BRAP: variants seen among roughly 807,000 people sequenced by gnomAD.
BRAP encodes the protein BRCA1-associated protein.
BRAP carries 42 observed loss-of-function variants against 73.4 expected under a neutral mutation model. The ratio of observed to expected loss-of-function variants is 0.57; its 90% confidence interval spans 0.45 to 0.74. The LOEUF (loss-of-function observed/expected upper bound fraction) is 0.74. BRAP is among the 30% of genes least tolerant of loss of function. The pLI, the probability that BRAP is intolerant of heterozygous loss-of-function variation, is 0.00. For missense variants in BRAP, 593 were observed against 751.4 expected, an observed-to-expected ratio of 0.79 and a Z score of 2.46; for synonymous variants, 255 against 267.4, an observed-to-expected ratio of 0.95 and a Z score of 0.45.
intron 2 of BRAP, 59 bp downstream of exon 2, chr12:111,683,087 T>G (rs1476755700): frequency 2.0e-5 from 31 of 1,552,152 alleles, no homozygotes; most frequent in Non-Finnish European, 5.2e-6. Context: ...ACACCGTGTA[T>G]AAAATAGGCA....
In BRAP at chr12:111,659,237, T is replaced by A; in HGVS notation, c.1081A>T (p.Thr361Ser). ...GCATAGTCCCAGACTCGATGGTTGG[T>A]AAGCTGCATGGCATACGTGTGCTGC... ...ETQHTYAMQL[T>S]NHRVWDYAGD... is the part of the protein sequence containing the mutation. The change falls in exon 8 of 12, where the codon ACC becomes TCC. Residue 361 changes from threonine to serine, a missense_variant. Transcript: ENST00000419234. 1 of 1,614,142 alleles carries A rather than the reference T, an allele frequency of 6.2e-7. No homozygotes were observed. Among genetic ancestry groups the A allele is most frequent in the Non-Finnish European group, 8.5e-7 (1 of 1,180,020 alleles).
intron 4 of BRAP, among the ~76,000 whole-genome samples, chr12:111,676,596 T>C (rs1279921664): frequency 6.6e-6 from 1 of 152,158 alleles, no homozygotes; most frequent in Non-Finnish European, 1.5e-5. Flanking sequence ...ATATTTTTAG[T>C]AGACATAAGC....
In BRAP at chr12:111,655,490, C is replaced by G. The variant is rs556609991; in HGVS notation, c.1311+76G>C. 15 of 1,204,056 alleles carry G rather than the reference C, an allele frequency of 1.2e-5. No homozygotes were observed. In the South Asian group the frequency reaches 1.7e-4, roughly 14 times the overall value. 74.6% of individuals were successfully genotyped at this position (1,204,056 alleles called of 1,614,324 possible). ...ATGGTAAGATTCCTCTTTCCCTGTA[C>G]TCTGCCTTCCACACCCCCCATCAGA... On this transcript the variant is annotated intron_variant, in intron 10 of 11. Transcript: ENST00000419234.
At chr12:111,668,302 G>A (rs1887035760) in intron 5 of BRAP, among the ~76,000 whole-genome samples, 1 of 152,004 alleles carries the variant, frequency 6.6e-6, no homozygotes, top group South Asian at 2.1e-4. Flanking sequence ...GTTACAGAAA[G>A]TGTATCTTCT....
intron 4 of BRAP, among the ~76,000 whole-genome samples, chr12:111,676,346 T>A (rs1428757169): frequency 6.6e-6 from 1 of 152,240 alleles, no homozygotes; most frequent in African/African-American, 2.4e-5. Flanking sequence ...ACCCTAACTC[T>A]GACACCTACT....
chr12:111,674,309 G>A (rs753503741), intron 4 of BRAP, among the ~76,000 whole-genome samples: 14 of 151,786 alleles, frequency 9.2e-5, no homozygotes, highest in Non-Finnish European at 1.8e-4. Context: ...ATGGCATGAC[G>A]TCAGCTCACT....
chr12:111,671,614 T>C (rs752950957), intron 5 of BRAP, among the ~76,000 whole-genome samples: 2 of 151,812 alleles, frequency 1.3e-5, no homozygotes, highest in Admixed American at 6.6e-5. Context: ...TCCCAGCACT[T>C]TGGAAGGCCA....
chr12:111,663,705 T>C (rs1485074501), intron 6 of BRAP, among the ~76,000 whole-genome samples: 6 of 152,166 alleles, frequency 3.9e-5, no homozygotes, highest in African/African-American at 1.4e-4. Context: ...GTGTAAACTC[T>C]CTTAGACCAA....
chr12:111,678,249 CAA>C (rs60763826), intron 4 of BRAP, among the ~76,000 whole-genome samples: 1,532 of 57,468 alleles, frequency 0.027, 25 homozygotes, highest in African/African-American at 0.085. Context: ...AACTCCGTCT[CAA>C]AAAAAAAAAA....
intron 5 of BRAP, among the ~76,000 whole-genome samples, chr12:111,671,231 T>A (rs1349628853): frequency 6.6e-6 from 1 of 152,062 alleles, no homozygotes; most frequent in Non-Finnish European, 1.5e-5. Flanking sequence ...GAGTGAAAGA[T>A]CAGAGCCATC....
chr12:111,671,393 T>G (rs1246648084), intron 5 of BRAP, among the ~76,000 whole-genome samples: 1 of 151,640 alleles, frequency 6.6e-6, no homozygotes, highest in African/African-American at 2.4e-5. Flanking sequence ...CCACTAAAAA[T>G]AAAAAAATTA....
intron 6 of BRAP, among the ~76,000 whole-genome samples, chr12:111,663,808 C>G (rs1025511732): frequency 2.0e-5 from 3 of 152,180 alleles, no homozygotes; most frequent in Admixed American, 6.5e-5. Flanking sequence ...ATTAAATGAA[C>G]TGCATGATTC....
At chr12:111,655,062 T>C (rs1435744667) in intron 10 of BRAP, among the ~76,000 whole-genome samples, 1 of 152,180 alleles carries the variant, frequency 6.6e-6, no homozygotes, top group Non-Finnish European at 1.5e-5. Context: ...GCTAAAGTAG[T>C]GAATGGCATC....
In BRAP at chr12:111,649,868, G is replaced by A; in HGVS notation, c.1415+71C>T. On this transcript the variant is annotated intron_variant, in intron 11 of 11. Transcript: ENST00000419234. ...GATACATATATTTGAAAATGAGGGT[G>A]TTTCCATAGGAATGAAAGAAACTGT... 7 of 1,078,286 alleles carry A rather than the reference G, an allele frequency of 6.5e-6. No individual in the cohort carries two copies. In the Admixed American group the frequency reaches 6.6e-5, roughly 10 times the overall value. The allele number at this position is 1,078,286 out of a possible 1,614,324, so 66.8% of individuals were successfully genotyped here.
intron 4 of BRAP, among the ~76,000 whole-genome samples, chr12:111,674,824 A>C (rs1887316497): frequency 6.6e-6 from 1 of 152,162 alleles, no homozygotes; most frequent in South Asian, 2.1e-4. Context: ...TTGGCTAAGT[A>C]AGCAGCAAAG....
At chr12:111,658,883 T>C (rs754504351) in intron 8 of BRAP, 38 bp from the exon 9 acceptor site, 1 of 1,510,118 alleles carries the variant, frequency 6.6e-7, no homozygotes, top group Non-Finnish European at 9.2e-7. Context: ...TTCTTTAGAA[T>C]GAAAAGGGTC....
At chr12:111,683,915 T>G (rs1303204634) in intron 1 of BRAP, among the ~76,000 whole-genome samples, 1 of 152,110 alleles carries the variant, frequency 6.6e-6, no homozygotes, top group African/African-American at 2.4e-5. Flanking sequence ...CATGCCCAGA[T>G]GAGCTAACAT....
intron 4 of BRAP, among the ~76,000 whole-genome samples, chr12:111,677,088 T>C (rs1763204099): frequency 6.6e-6 from 1 of 152,200 alleles, no homozygotes; most frequent in South Asian, 2.1e-4. Flanking sequence ...ATAGTGCAGA[T>C]GTACAAGGAA....
intron 10 of BRAP, among the ~76,000 whole-genome samples, chr12:111,655,363 C>G (rs1027839000): frequency 6.6e-6 from 1 of 151,314 alleles, no homozygotes; most frequent in Non-Finnish European, 1.5e-5. Flanking sequence ...CAAACAAAAC[C>G]CCCTAAGACC....
Sources: allele counts gnomAD v4.1 joint callset (sites outside exome capture counted in the v4.1 genomes callset), GRCh38; gene constraint gnomAD v4.1.1; transcripts MANE v1.5; gene names NCBI Gene and HGNC (gene_info 2026-07-23, HGNC 2026-07-21).